Variants in UBE2G1 observed in about 807,000 individuals in gnomAD.
UBE2G1 encodes ubiquitin-conjugating enzyme E2 G1.
UBE2G1 carries 5 observed loss-of-function variants against 22.7 expected under a neutral mutation model. The observed-to-expected ratio is 0.22, with a 90% CI of 0.12 to 0.46. The LOEUF (loss-of-function observed/expected upper bound fraction) is 0.46. Among genes scored for constraint, UBE2G1 ranks in the 20% least tolerant of loss-of-function variants. UBE2G1 has a pLI of 0.99. For missense variants in UBE2G1, 88 were observed against 203.9 expected, an observed-to-expected ratio of 0.43 and a Z score of 3.46; for synonymous variants, 74 against 67.5, an observed-to-expected ratio of 1.10 and a Z score of -0.47.
chr17:4,338,198 C>T (rs757484790), intron 1 of UBE2G1, among the ~76,000 whole-genome samples: 2 of 149,480 alleles, frequency 1.3e-5, no homozygotes, highest in Non-Finnish European at 3.0e-5. Context: ...ACAACTTAGG[C>T]GCTATATTTT....
chr17:4,286,686 G>C (rs188598375), intron 4 of UBE2G1, among the ~76,000 whole-genome samples: 7 of 152,220 alleles, frequency 4.6e-5, no homozygotes, highest in Non-Finnish European at 8.8e-5. Flanking sequence ...TATTTTGAAG[G>C]GTTAATAAAG....
At chr17:4,319,953 T>C (rs1385220843) in intron 1 of UBE2G1, among the ~76,000 whole-genome samples, 1 of 151,936 alleles carries the variant, frequency 6.6e-6, no homozygotes, top group Non-Finnish European at 1.5e-5. Flanking sequence ...CCACCATGAA[T>C]GCTATAAGCT....
intron 1 of UBE2G1, 80 bp from the exon 2 acceptor site, chr17:4,307,203 A>G: frequency 8.2e-7 from 1 of 1,226,672 alleles, no homozygotes; most frequent in Non-Finnish European, 1.2e-6. Flanking sequence ...ACTTGAGCGT[A>G]CATGTTTTAT....
intron 1 of UBE2G1, among the ~76,000 whole-genome samples, chr17:4,317,064 C>T (rs1969384143): frequency 6.6e-6 from 1 of 151,860 alleles, no homozygotes; most frequent in African/African-American, 2.4e-5. Context: ...TATAGTGATA[C>T]CCTGTCCAGG....
chr17:4,271,039 A>C lies in UBE2G1; in HGVS notation c.*1515T>G, dbSNP rs991013243. 1 of 152,214 alleles carries C rather than the reference A, an allele frequency of 6.6e-6. No individual in the cohort carries two copies. The highest frequency in any genetic ancestry group is 2.4e-5 in the African/African-American group (1 of 41,446). The allele number at this position is 152,214 out of a possible 1,614,324, so 9.4% of individuals were successfully genotyped here. ...AAGTTCTATCCCTTATAAGCCAAAG[A>C]CTACTTCCCACACACAACCTCACAA... On this transcript the variant is annotated 3_prime_UTR_variant, in exon 6 of 6. Coordinates refer to ENST00000396981, the MANE Select transcript of UBE2G1 (RefSeq NM_003342.5).
At chr17:4,315,050 G>C (rs1598191082) in intron 1 of UBE2G1, among the ~76,000 whole-genome samples, 1 of 152,174 alleles carries the variant, frequency 6.6e-6, no homozygotes, top group South Asian at 2.1e-4. Context: ...TTTGGCAGTG[G>C]TGTTGTGCTG....
chr17:4,322,765 G>T (rs146608904), intron 1 of UBE2G1, among the ~76,000 whole-genome samples: 3 of 152,290 alleles, frequency 2.0e-5, no homozygotes, highest in Admixed American at 6.5e-5. Flanking sequence ...TCACACATAA[G>T]ACTGTTTCTA....
intron 1 of UBE2G1, among the ~76,000 whole-genome samples, chr17:4,356,261 G>A (rs1969905180): frequency 6.6e-6 from 1 of 151,734 alleles, no homozygotes; most frequent in South Asian, 2.1e-4. Context: ...GGGAGGCTGA[G>A]GCAGGAGAAT....
chr17:4,305,044 C>T (rs1480112665), intron 2 of UBE2G1, among the ~76,000 whole-genome samples: 1 of 151,584 alleles, frequency 6.6e-6, no homozygotes, highest in Non-Finnish European at 1.5e-5. Flanking sequence ...CCTCTGCCTC[C>T]TGGATTCAAG....
Position 4,366,485 on chromosome 17 carries a change from G to T in UBE2G1, c.-169C>A. On this transcript the variant is annotated 5_prime_UTR_variant, in exon 1 of 6. Transcript: ENST00000396981. ...GGGAGCGGCGCCTCGCTGCCGGTGC[G>T]AGTCCGCTCGCTTCAGCTCTTTTCA... The T allele has an allele frequency of 1.8e-6, 1 of 553,014 alleles. No homozygotes were observed. Among genetic ancestry groups the T allele is most frequent in the South Asian group, 3.6e-5 (1 of 28,138 alleles). 34.3% of individuals were successfully genotyped at this position (553,014 alleles called of 1,614,324 possible).
chr17:4,357,503 G>T (rs1167763397), intron 1 of UBE2G1, among the ~76,000 whole-genome samples: 1 of 62,456 alleles, frequency 1.6e-5, no homozygotes, highest in African/African-American at 6.8e-5. Context: ...GTGTGTGTGT[G>T]TGTGTGGGGG....
At position 4,277,720 on chromosome 17, in the gene UBE2G1, A is replaced by G. The variant is rs532482944; in HGVS notation, c.*37+5078T>C. Among the ~76,000 whole-genome samples, 4 of 152,340 alleles carry G rather than the reference A, an allele frequency of 2.6e-5. No individual in the cohort carries two copies. The South Asian group carries it at 8.3e-4, about 32-fold the overall frequency. ...ATTTCACTTTCAGTTCAGCCCAGAC[A>G]GACAATACATTTTTCAAGTGTTTAT... On this transcript the variant is annotated intron_variant, in intron 5 of 5. Transcript: ENST00000396981.
chr17:4,300,566 TAAATA>T (rs957846680), intron 2 of UBE2G1, among the ~76,000 whole-genome samples: 1 of 151,802 alleles, frequency 6.6e-6, no homozygotes, highest in Non-Finnish European at 1.5e-5. Flanking sequence ...AATAAATAAA[TAAATA>T]AAATAAAATT....
chr17:4,301,929 C>T, intron 2 of UBE2G1: 3 of 484,216 alleles, frequency 6.2e-6, no homozygotes, highest in South Asian at 4.8e-5. Context: ...CCTGGGGTCA[C>T]ACTTAAGATT....
At position 4,303,451 on chromosome 17, in the gene UBE2G1, A is replaced by G. The variant is rs545244194; in HGVS notation, c.149+3570T>C. 3.3e-5 allele frequency among the ~76,000 whole-genome samples: 5 copies of G among 152,330 alleles called. No homozygotes were observed. The East Asian group carries it at 9.6e-4, about 29-fold the overall frequency. ...GGAACATTTGAAACATTTCCTAAGC[A>G]TAGGGTTTTTACCCTAGAAATGAAA... is the stretch of plus-strand genomic sequence containing the variant. On this transcript the variant is annotated intron_variant, in intron 2 of 5. Coordinates refer to ENST00000396981, the MANE Select transcript of UBE2G1 (RefSeq NM_003342.5).
At chr17:4,339,596 C>T (rs758662593) in intron 1 of UBE2G1, among the ~76,000 whole-genome samples, 15 of 152,084 alleles carry the variant, frequency 9.9e-5, no homozygotes, top group African/African-American at 1.7e-4. Flanking sequence ...TGAGCCACCG[C>T]GCCTGGCTCA....
rs140336326 is a variant in UBE2G1, at chr17:4,299,928, G to A, written c.150-3114C>T. 4.8e-3 allele frequency among the ~76,000 whole-genome samples: 725 copies of A among 150,800 alleles called. 5 individuals are homozygous for A. The highest frequency in any genetic ancestry group is 0.017 in the African/African-American group (681 of 41,088). ...TGCAAGCTCTGCCTCCCGGGTTGAA[G>A]AGATTCTCCTGCCTCAGCCTCCCAA... On this transcript the variant is annotated intron_variant, in intron 2 of 5. Transcript: ENST00000396981.
At chr17:4,291,255 G>A (rs921430566) in intron 3 of UBE2G1, among the ~76,000 whole-genome samples, 8 of 151,580 alleles carry the variant, frequency 5.3e-5, no homozygotes, top group South Asian at 2.1e-4. Flanking sequence ...AGCTACTTGG[G>A]AGGCTGGGGC....
intron 1 of UBE2G1, among the ~76,000 whole-genome samples, chr17:4,307,461 G>C (rs866438117): frequency 1.3e-4 from 20 of 152,222 alleles, no homozygotes; most frequent in African/African-American, 3.6e-4. Context: ...GGGAGCCCTG[G>C]AAATCAAATC....
Sources: allele counts gnomAD v4.1 joint callset (sites outside exome capture counted in the v4.1 genomes callset), GRCh38; gene constraint gnomAD v4.1.1; transcripts MANE v1.5; gene names NCBI Gene and HGNC (gene_info 2026-07-23, HGNC 2026-07-21).